Variants in FRMD4A observed in about 807,000 individuals in gnomAD.
The protein encoded by FRMD4A is FERM domain containing 4A, also known as FERM domain-containing protein 4A.
In FRMD4A, 29 loss-of-function variants were observed where a neutral mutation model predicts 129.1. The ratio of observed to expected loss-of-function variants is 0.22; its 90% CI spans 0.17 to 0.31. The LOEUF (loss-of-function observed/expected upper bound fraction) is 0.31. FRMD4A is among the 10% of genes least tolerant of loss of function. The probability of loss-of-function intolerance (pLI) is 1.00; values close to 1 mark genes in which losing one functional copy is unlikely to be tolerated. For missense variants in FRMD4A, 1,272 were observed against 1,375.8 expected (o/e 0.92, Z 1.19); for synonymous variants, 634 against 571.6 (o/e 1.11, Z -1.56).
intron 3 of FRMD4A, among the ~76,000 whole-genome samples, chr10:13,843,008 T>C (rs1288092688): frequency 2.0e-5 from 3 of 152,216 alleles, no homozygotes. Flanking sequence ...GTAAATTTTC[T>C]GGTCTCTGAA....
intron 2 of FRMD4A, among the ~76,000 whole-genome samples, chr10:14,179,182 G>A (rs1273463565): frequency 6.6e-6 from 1 of 151,968 alleles, no homozygotes; most frequent in Non-Finnish European, 1.5e-5. Flanking sequence ...ATTTATTTAG[G>A]CCCCTTAGAG....
chr10:14,080,714 T>C (rs891129909), intron 2 of FRMD4A, among the ~76,000 whole-genome samples: 2 of 151,948 alleles, frequency 1.3e-5, no homozygotes, highest in African/African-American at 4.8e-5. Context: ...GATATTCAGC[T>C]TGAATTTAGG....
At position 13,654,242 on chromosome 10, in the gene FRMD4A, A is replaced by G. The variant is rs573385202; in HGVS notation, c.3050+174T>C. On this transcript the variant is annotated intron_variant, in intron 23 of 24. Transcript: ENST00000357447. ...TCACCTCTATAAAGGCACAGCCAGGAAAAGGAGTAGGCAGAGGTGACAGCA... is the reference window on the plus strand; with the variant it reads ...TCACCTCTATAAAGGCACAGCCAGGGAAAGGAGTAGGCAGAGGTGACAGCA... 14 of 624,182 alleles carry G rather than the reference A, an allele frequency of 2.2e-5. 1 individual carries two copies. The highest frequency in any genetic ancestry group is 1.9e-4 in the South Asian group (10 of 52,908). 38.7% of individuals were successfully genotyped at this position (624,182 alleles called of 1,614,324 possible).
intron 2 of FRMD4A, among the ~76,000 whole-genome samples, chr10:14,205,820 A>G (rs946598243): frequency 2.0e-5 from 3 of 151,956 alleles, no homozygotes; most frequent in African/African-American, 7.2e-5. Flanking sequence ...AAAAAAAAAA[A>G]AAAAAAAAAG....
chr10:14,129,559 G>T (rs1242881213), intron 2 of FRMD4A, among the ~76,000 whole-genome samples: 2 of 151,814 alleles, frequency 1.3e-5, no homozygotes, highest in East Asian at 1.9e-4. Context: ...CCTCCAGGTG[G>T]CTCATCTGCT....
At chr10:14,185,563 A>G (rs543946820) in intron 2 of FRMD4A, among the ~76,000 whole-genome samples, 2 of 152,326 alleles carry the variant, frequency 1.3e-5, no homozygotes, top group South Asian at 2.1e-4. Flanking sequence ...AAGACTATTT[A>G]AAGGTTCAAT....
chr10:13,684,235 A>G (rs1260105261), intron 15 of FRMD4A: 1 of 710,556 alleles, frequency 1.4e-6, no homozygotes, highest in African/African-American at 1.9e-5. Flanking sequence ...TAGTTCACTA[A>G]TAATCTGGCC....
intron 12 of FRMD4A, chr10:13,728,052 C>G (rs1175275406): frequency 6.6e-6 from 1 of 152,186 alleles, no homozygotes; most frequent in Admixed American, 6.5e-5. Context: ...ACGTACTGAA[C>G]AAGTGAATGA....
chr10:14,283,002 T>C (rs1055545471), intron 2 of FRMD4A, among the ~76,000 whole-genome samples: 1 of 152,336 alleles, frequency 6.6e-6, no homozygotes, highest in Non-Finnish European at 1.5e-5. Flanking sequence ...CCAGAAAGCA[T>C]TGTGAAAGCT....
At chr10:13,859,029 G>A (rs561766528) in intron 2 of FRMD4A, 117 bp from the exon 3 acceptor site, 44 of 734,106 alleles carry the variant, frequency 6.0e-5, no homozygotes, top group Non-Finnish European at 1.0e-4. Context: ...TCCTCTGGGA[G>A]TCGGCACTGT....
At position 14,308,259 on chromosome 10, in the gene FRMD4A, T is replaced by C. The variant is rs547452292; in HGVS notation, c.45+21799A>G. ...TGGCTCCTCATCCACATCCCTTTAA[T>C]TGGTCTTGAATGACACTCTTTTAAA... On this transcript the variant is annotated intron_variant, in intron 2 of 24. Transcript: ENST00000357447. Among the ~76,000 whole-genome samples the C allele has an allele frequency of 7.9e-5, 12 of 152,380 alleles. No homozygotes were observed. The East Asian group carries it at 1.2e-3, about 15-fold the overall frequency.
chr10:13,878,877 G>T (rs1331520971), intron 2 of FRMD4A, among the ~76,000 whole-genome samples: 6 of 143,418 alleles, frequency 4.2e-5, no homozygotes, highest in African/African-American at 1.6e-4. Flanking sequence ...TCTGTGACTA[G>T]ATAATAGTAT....
intron 2 of FRMD4A, among the ~76,000 whole-genome samples, chr10:13,993,699 T>C (rs2095611714): frequency 1.3e-5 from 2 of 152,220 alleles, no homozygotes. Context: ...CAGTTGCTTC[T>C]GAAGTTGTTG....
chr10:14,274,975 T>C (rs996442381), intron 2 of FRMD4A, among the ~76,000 whole-genome samples: 1 of 152,240 alleles, frequency 6.6e-6, no homozygotes, highest in African/African-American at 2.4e-5. Context: ...AGTTTTCAGG[T>C]TGACTTCTGT....
chr10:14,033,049 A>G (rs1833323260), intron 2 of FRMD4A, among the ~76,000 whole-genome samples: 1 of 152,190 alleles, frequency 6.6e-6, no homozygotes, highest in African/African-American at 2.4e-5. Context: ...GCTCACGCCT[A>G]TAATCCCAGC....
chr10:13,981,338 T>A (rs1331041548), intron 2 of FRMD4A, among the ~76,000 whole-genome samples: 1 of 152,060 alleles, frequency 6.6e-6, no homozygotes, highest in Non-Finnish European at 1.5e-5. Flanking sequence ...AACCAAAGCA[T>A]CTGTGAATAA....
chr10:14,188,225 C>G (rs1842207685), intron 2 of FRMD4A, among the ~76,000 whole-genome samples: 1 of 152,102 alleles, frequency 6.6e-6, no homozygotes, highest in African/African-American at 2.4e-5. Context: ...CTCAAGTCAA[C>G]CTTTCTGGAC....
Position 13,919,175 on chromosome 10 carries a change from A to T in FRMD4A, c.46-60263T>A, listed in dbSNP as rs1446378318. ...TACAGTTGATGTGTAGGAAAAAAAA[A>T]GTCTCTTAGCAGAAAAGGTTAAAAA... On this transcript the variant is annotated intron_variant, in intron 2 of 24. Transcript: ENST00000357447. Among the ~76,000 whole-genome samples the T allele has an allele frequency of 2.0e-5, 3 of 152,212 alleles. No individual in the cohort carries two copies. In the East Asian group the frequency reaches 5.8e-4, roughly 29 times the overall value.
At chr10:13,788,306 G>A (rs116424395) in intron 5 of FRMD4A, among the ~76,000 whole-genome samples, 2,258 of 152,274 alleles carry the variant, frequency 0.015, 58 homozygotes, top group African/African-American at 0.051. Flanking sequence ...CTAGGGGGCA[G>A]CCCCCATGCT....
Sources: allele counts gnomAD v4.1 joint callset (sites outside exome capture counted in the v4.1 genomes callset), GRCh38; gene constraint gnomAD v4.1.1; transcripts MANE v1.5; gene names NCBI Gene and HGNC (gene_info 2026-07-23, HGNC 2026-07-21).